ENPP6: variants seen among roughly 807,000 people sequenced by gnomAD.
ENPP6 encodes the protein glycerophosphocholine cholinephosphodiesterase ENPP6.
ENPP6 carries 32 observed loss-of-function variants against 42.0 expected under a neutral mutation model. That is an observed-to-expected ratio of 0.76 (90% CI 0.58 to 1.02). The LOEUF is 1.02. Among genes scored for constraint, ENPP6 ranks in the 50% least tolerant of loss-of-function variants. ENPP6 has a pLI of 0.00. For missense variants in ENPP6, 552 were observed against 566.8 expected, an observed-to-expected ratio of 0.97 and a Z score of 0.27; for synonymous variants, 213 against 216.0, an observed-to-expected ratio of 0.99 and a Z score of 0.12.
In ENPP6 at chr4:184,198,370, G is replaced by C. The variant is rs369586207; in HGVS notation, c.241+19209C>G. Among the ~76,000 whole-genome samples the C allele has an allele frequency of 7.9e-4, 121 of 152,332 alleles. 3 individuals carry two copies. The South Asian group carries it at 0.024, about 31-fold the overall frequency. ...CCAACAGTAGTGGGGATTACTGCAA[G>C]GACAGGTCTTGCCTGCAGGGACCCA... On this transcript the variant is annotated intron_variant, in intron 1 of 7. Transcript: ENST00000296741.
At chr4:184,137,143 C>A (rs1560989279) in intron 2 of ENPP6, among the ~76,000 whole-genome samples, 1 of 152,266 alleles carries the variant, frequency 6.6e-6, no homozygotes, top group Non-Finnish European at 1.5e-5. Flanking sequence ...GTCACCCAGG[C>A]TGGAGTGCAG....
intron 1 of ENPP6, among the ~76,000 whole-genome samples, chr4:184,160,808 C>G (rs763662502): frequency 6.6e-6 from 1 of 152,182 alleles, no homozygotes; most frequent in Non-Finnish European, 1.5e-5. Flanking sequence ...TACCTCCATA[C>G]TCCTGCTTCC....
intron 1 of ENPP6, among the ~76,000 whole-genome samples, chr4:184,216,025 A>C (rs1291176720): frequency 6.6e-6 from 1 of 152,202 alleles, no homozygotes; most frequent in African/African-American, 2.4e-5. Flanking sequence ...AGTCCTTTCT[A>C]AGATGGATTT....
intron 1 of ENPP6, among the ~76,000 whole-genome samples, chr4:184,178,204 C>T (rs932979525): frequency 6.6e-6 from 1 of 151,938 alleles, no homozygotes; most frequent in South Asian, 2.1e-4. Flanking sequence ...GAACATACAA[C>T]AAAAGAACTT....
intron 1 of ENPP6, among the ~76,000 whole-genome samples, chr4:184,205,321 C>T (rs1222985703): frequency 1.3e-5 from 2 of 152,210 alleles, no homozygotes; most frequent in Admixed American, 6.5e-5. Context: ...AGAGAGAGCG[C>T]TGGTGGGGTG....
intron 1 of ENPP6, among the ~76,000 whole-genome samples, chr4:184,195,801 A>T (rs575273504): frequency 2.6e-5 from 4 of 152,360 alleles, no homozygotes; most frequent in Non-Finnish European, 5.9e-5. Context: ...TTATACACCC[A>T]AGTCTGTGAA....
Position 184,089,206 on chromosome 4 carries a change from G to T in ENPP6, c.*1971C>A, listed in dbSNP as rs752400253. 1 of 152,118 alleles carries T rather than the reference G, an allele frequency of 6.6e-6. No homozygotes were observed. The highest frequency in any genetic ancestry group is 2.4e-5 in the African/African-American group (1 of 41,416). The allele number at this position is 152,118 out of a possible 1,614,324, so 9.4% of individuals were successfully genotyped here. On this transcript the variant is annotated 3_prime_UTR_variant, in exon 8 of 8. Coordinates refer to ENST00000296741, the MANE Select transcript of ENPP6 (RefSeq NM_153343.4). Reference sequence around the variant, plus strand: ...CCAATTGATCCGATGGTTTACTGGCGCTTTTAAAACACATTACATAAATCT... The same window carrying T: ...CCAATTGATCCGATGGTTTACTGGCTCTTTTAAAACACATTACATAAATCT...
chr4:184,115,783 C>T (rs904574354), intron 5 of ENPP6, among the ~76,000 whole-genome samples: 1 of 152,158 alleles, frequency 6.6e-6, no homozygotes, highest in Non-Finnish European at 1.5e-5. Flanking sequence ...AGCCTCAGCT[C>T]CCTTCATTCT....
intron 1 of ENPP6, among the ~76,000 whole-genome samples, chr4:184,165,415 C>T (rs1424523823): frequency 2.0e-5 from 3 of 152,202 alleles, no homozygotes; most frequent in Non-Finnish European, 4.4e-5. Flanking sequence ...TCTGACTCAG[C>T]GTCCGCCCTC....
chr4:184,118,561 T>G (rs1057427930), intron 3 of ENPP6, among the ~76,000 whole-genome samples: 3 of 152,224 alleles, frequency 2.0e-5, no homozygotes, highest in African/African-American at 7.2e-5. Context: ...ATCCTGGATT[T>G]GTGATGCCTG....
intron 1 of ENPP6, among the ~76,000 whole-genome samples, chr4:184,171,786 GA>G (rs573801763): frequency 0.022 from 2,200 of 101,454 alleles, 65 homozygotes; most frequent in African/African-American, 0.057. Flanking sequence ...CAAACACATT[GA>G]TTTTTTTTTT....
At chr4:184,217,546 C>T in intron 1 of ENPP6, 33 bp downstream of exon 1, 1 of 1,609,788 alleles carries the variant, frequency 6.2e-7, no homozygotes, top group Non-Finnish European at 8.5e-7. Flanking sequence ...GCCAGCCCTC[C>T]CCTCCCTGCC....
At chr4:184,152,104 A>G (rs951410244) in intron 2 of ENPP6, among the ~76,000 whole-genome samples, 4 of 152,140 alleles carry the variant, frequency 2.6e-5, no homozygotes, top group East Asian at 1.9e-4. Context: ...CTGTGAATTC[A>G]TGCAGCCTGC....
chr4:184,141,074 C>T (rs547207746), intron 2 of ENPP6, among the ~76,000 whole-genome samples: 33 of 151,650 alleles, frequency 2.2e-4, no homozygotes, highest in African/African-American at 6.3e-4. Context: ...AAAAAGTGGG[C>T]GAAGGACATG....
chr4:184,111,325 T>C (rs1334441345), intron 6 of ENPP6, among the ~76,000 whole-genome samples: 1 of 152,236 alleles, frequency 6.6e-6, no homozygotes, highest in Non-Finnish European at 1.5e-5. Context: ...TTTTATAAAC[T>C]GAAAAAAGTT....
chr4:184,204,290 C>T (rs17075466), intron 1 of ENPP6, among the ~76,000 whole-genome samples: 1 of 152,132 alleles, frequency 6.6e-6, no homozygotes, highest in Non-Finnish European at 1.5e-5. Context: ...TAGCCCATAA[C>T]GTGGCCTGAT....
chr4:184,197,303 T>A (rs999689504), intron 1 of ENPP6, among the ~76,000 whole-genome samples: 1 of 152,206 alleles, frequency 6.6e-6, no homozygotes, highest in Non-Finnish European at 1.5e-5. Context: ...CTGCTTTGAA[T>A]CTCATCTCCA....
chr4:184,193,670 C>G (rs1732739071), intron 1 of ENPP6, among the ~76,000 whole-genome samples: 1 of 152,128 alleles, frequency 6.6e-6, no homozygotes, highest in Non-Finnish European at 1.5e-5. Flanking sequence ...TTTAAAAGAT[C>G]AGTTGAGATC....
At chr4:184,111,945 G>A (rs1736202699) in intron 6 of ENPP6, among the ~76,000 whole-genome samples, 2 of 152,144 alleles carry the variant, frequency 1.3e-5, no homozygotes, top group African/African-American at 2.4e-5. Flanking sequence ...TATTAGGTTG[G>A]TGCAAAAGTA....
Sources: gnomAD v4.1 joint callset for allele counts (sites outside exome capture counted in the v4.1 genomes callset) on GRCh38, gnomAD v4.1.1 for gene constraint, MANE v1.5 for transcripts, NCBI Gene and HGNC (gene_info 2026-07-23, HGNC 2026-07-21) for gene names.